HS6ST2: variants seen among roughly 807,000 people sequenced by gnomAD.
HS6ST2 encodes heparan-sulfate 6-O-sulfotransferase 2.
HS6ST2 carries 17 observed loss-of-function variants against 33.0 expected under a neutral mutation model. The observed-to-expected ratio is 0.52, with a 90% CI of 0.35 to 0.77. The LOEUF (loss-of-function observed/expected upper bound fraction) is 0.77. HS6ST2 is among the 30% of genes least tolerant of loss of function. HS6ST2 has a pLI of 0.01. For synonymous variants in HS6ST2, 248 were observed against 237.1 expected (o/e 1.05, Z -0.42); for missense variants, 519 against 551.7 (o/e 0.94, Z 0.59).
At chrX:132,880,333 C>T (rs767295234) in intron 2 of HS6ST2, among the ~76,000 whole-genome samples, 2 of 110,124 alleles carry the variant, frequency 1.8e-5, no homozygotes, top group South Asian at 7.9e-4. Flanking sequence ...GTCAGGAGTT[C>T]GAGACCAGCC....
chrX:132,803,500 T>C (rs994473500), intron 2 of HS6ST2, among the ~76,000 whole-genome samples: 6 of 111,790 alleles, frequency 5.4e-5, no homozygotes, highest in African/African-American at 1.9e-4. Flanking sequence ...CCTCCACCTC[T>C]CTGGTTCAAG....
At chrX:132,698,167 G>A (rs1223357456) in intron 3 of HS6ST2, among the ~76,000 whole-genome samples, 1 of 111,474 alleles carries the variant, frequency 9.0e-6, no homozygotes, top group African/African-American at 3.3e-5. Flanking sequence ...GTATCTCATC[G>A]AAGTGGTGTA....
chrX:132,844,196 A>G (rs2065729811), intron 2 of HS6ST2, among the ~76,000 whole-genome samples: 2 of 111,289 alleles, frequency 1.8e-5, no homozygotes, highest in African/African-American at 6.5e-5. Context: ...TCCTGGACTC[A>G]TCCTATAGAA....
intron 4 of HS6ST2, among the ~76,000 whole-genome samples, chrX:132,629,936 A>T (rs917817001): frequency 3.6e-5 from 4 of 112,593 alleles, no homozygotes; most frequent in Non-Finnish European, 7.5e-5. Flanking sequence ...GGGCACGTGG[A>T]TGTCAGCAAG....
At chrX:132,728,544 T>C (rs1297459229) in intron 2 of HS6ST2, among the ~76,000 whole-genome samples, 1 of 112,178 alleles carries the variant, frequency 8.9e-6, no homozygotes, top group Non-Finnish European at 1.9e-5. Context: ...AATTGTCCCC[T>C]GACCCACATA....
At chrX:132,718,404 G>T (rs1235922491) in intron 2 of HS6ST2, among the ~76,000 whole-genome samples, 6 of 111,958 alleles carry the variant, frequency 5.4e-5, no homozygotes, top group Non-Finnish European at 1.1e-4. Context: ...AGGTCATACA[G>T]TTAATAAGTG....
chrX:132,885,614 G>A (rs1173853809), intron 2 of HS6ST2, among the ~76,000 whole-genome samples: 2 of 111,114 alleles, frequency 1.8e-5, no homozygotes, highest in African/African-American at 3.3e-5. Context: ...CACATATGAT[G>A]TAAGATGGCC....
intron 2 of HS6ST2, among the ~76,000 whole-genome samples, chrX:132,920,134 T>G (rs2066637060): frequency 9.0e-6 from 1 of 110,733 alleles, no homozygotes; most frequent in African/African-American, 3.3e-5. Context: ...GAAGTAAAAA[T>G]TAAAAATTTC....
At chrX:132,765,656 G>T (rs2064842007) in intron 2 of HS6ST2, among the ~76,000 whole-genome samples, 1 of 110,532 alleles carries the variant, frequency 9.0e-6, no homozygotes, top group South Asian at 3.9e-4. Flanking sequence ...TCATATTGTT[G>T]CCCAGGCTGG....
intron 3 of HS6ST2, among the ~76,000 whole-genome samples, chrX:132,697,264 T>C (rs952275323): frequency 4.6e-4 from 52 of 111,845 alleles, no homozygotes; most frequent in African/African-American, 1.6e-3. Context: ...CAGGGCTACA[T>C]TAATCCTCTG....
intron 2 of HS6ST2, among the ~76,000 whole-genome samples, chrX:132,892,919 C>T (rs904194920): frequency 1.6e-4 from 18 of 112,327 alleles, no homozygotes; most frequent in African/African-American, 5.8e-4. Flanking sequence ...GAGTGCTTCT[C>T]GTATCCAATA....
At chrX:132,884,184 A>G (rs1192152050) in intron 2 of HS6ST2, among the ~76,000 whole-genome samples, 1 of 111,373 alleles carries the variant, frequency 9.0e-6, no homozygotes, top group African/African-American at 3.3e-5. Context: ...TAAAAGTCTG[A>G]CACTGTGGAA....
intron 2 of HS6ST2, among the ~76,000 whole-genome samples, chrX:132,946,534 G>T (rs950582561): frequency 9.0e-6 from 1 of 111,246 alleles, no homozygotes; most frequent in Non-Finnish European, 1.9e-5. Flanking sequence ...ACCAAACACC[G>T]CATGTTCTCA....
At chrX:132,779,556 A>G (rs1206151843) in intron 2 of HS6ST2, among the ~76,000 whole-genome samples, 1 of 110,850 alleles carries the variant, frequency 9.0e-6, no homozygotes, top group Admixed American at 9.6e-5. Flanking sequence ...AGAGAAAAGA[A>G]TGCAAAGCTT....
intron 2 of HS6ST2, among the ~76,000 whole-genome samples, chrX:132,810,324 T>C (rs2065329165): frequency 9.2e-6 from 1 of 109,191 alleles, no homozygotes; most frequent in Admixed American, 9.9e-5. Context: ...GAGGATTGCT[T>C]GAGCCTGTGA....
intron 2 of HS6ST2, among the ~76,000 whole-genome samples, chrX:132,865,500 G>A (rs1281066376): frequency 1.8e-5 from 2 of 109,911 alleles, no homozygotes; most frequent in East Asian, 2.9e-4. Context: ...CCCAGTAATG[G>A]GATGGCTGGG....
intron 2 of HS6ST2, among the ~76,000 whole-genome samples, chrX:132,943,058 G>A (rs1447246091): frequency 2.7e-5 from 3 of 111,315 alleles, no homozygotes; most frequent in South Asian, 3.7e-4. Context: ...AAATAACTTC[G>A]GCATCTAAAT....
At chrX:132,736,007 G>C (rs1178768068) in intron 2 of HS6ST2, among the ~76,000 whole-genome samples, 1 of 110,356 alleles carries the variant, frequency 9.1e-6, no homozygotes, top group African/African-American at 3.3e-5. Context: ...ACCAGGCCCG[G>C]CTAATTTTTG....
chrX:132,956,710 T>A, intron 2 of HS6ST2, 98 bp downstream of exon 2: 1 of 1,002,046 alleles, frequency 1.0e-6, no homozygotes, highest in South Asian at 2.6e-5. Flanking sequence ...CGCCCGGGCG[T>A]CAGGGTGCGC....
Sources: allele counts gnomAD v4.1 joint callset (sites outside exome capture counted in the v4.1 genomes callset), GRCh38; gene constraint gnomAD v4.1.1; transcripts MANE v1.5; gene names NCBI Gene and HGNC (gene_info 2026-07-23, HGNC 2026-07-21).